The following STARD13 variants were observed in gnomAD, a reference collection of about 807,000 sequenced individuals.
STARD13 encodes the protein StAR related lipid transfer domain containing 13, also known as stAR-related lipid transfer protein 13.
A neutral mutation model predicts 106.4 loss-of-function variants in STARD13; 62 were observed. The observed-to-expected ratio is 0.58, with a 90% CI of 0.48 to 0.72. STARD13 has a LOEUF of 0.72. STARD13 is among the 30% of genes least tolerant of loss of function. The pLI is 0.00. For synonymous variants in STARD13, 565 were observed against 553.0 expected (o/e 1.02, Z -0.31); for missense variants, 1,387 against 1,424.0 (o/e 0.97, Z 0.42).
the STARD13 span, among the ~76,000 whole-genome samples, chr13:33,447,269 A>C: frequency 1.3e-5 from 2 of 152,210 alleles, no homozygotes; most frequent in Non-Finnish European, 2.9e-5. Context: ...GCAAATACTT[A>C]CTAGTCCTTC....
At chr13:33,268,539 ATGT>A (rs1469593437) in intron 1 of STARD13, among the ~76,000 whole-genome samples, 1 of 152,192 alleles carries the variant, frequency 6.6e-6, no homozygotes, top group Non-Finnish European at 1.5e-5. Context: ...TAGGCAGAAG[ATGT>A]TGTTATTATT....
chr13:33,635,493 A>AC, the STARD13 span, among the ~76,000 whole-genome samples: 1 of 151,862 alleles, frequency 6.6e-6, no homozygotes, highest in South Asian at 2.1e-4. Context: ...CCCCATCTCT[A>AC]CTAAAAAATA....
chr13:33,347,240 C>CTTTTTTTTTTTTTTTTTTTTTT (rs2078027012), downstream of STARD13, among the ~76,000 whole-genome samples: 1 of 151,900 alleles, frequency 6.6e-6, no homozygotes, highest in East Asian at 1.9e-4. Context: ...CATACCCTTT[C>CTTTTTTTTTTTTTTTTTTTTTT]TATTTCTTTT....
At chr13:33,238,400 G>A (rs1409974374) in intron 1 of STARD13, among the ~76,000 whole-genome samples, 2 of 152,152 alleles carry the variant, frequency 1.3e-5, no homozygotes, top group Non-Finnish European at 2.9e-5. Context: ...TAAGGTGAAA[G>A]ATTTGGGGAA....
rs190417133 is a variant in STARD13, at chr13:33,246,702, A to G, written c.169+38768T>C. 3.5e-3 allele frequency among the ~76,000 whole-genome samples: 540 copies of G among 152,310 alleles called. 6 individuals are homozygous for G. Among genetic ancestry groups the G allele is most frequent in the African/African-American group, 0.012 (516 of 41,560 alleles). On this transcript the variant is annotated intron_variant, in intron 1 of 13. Transcript: ENST00000336934. ...AAATAATAAAAATATTGATGACCATAAAACAAAAACAAAAACTAAGAGAGA... is the reference window on the plus strand; with the variant it reads ...AAATAATAAAAATATTGATGACCATGAAACAAAAACAAAAACTAAGAGAGA...
At chr13:33,467,791 G>A in the STARD13 span, among the ~76,000 whole-genome samples, 1 of 152,012 alleles carries the variant, frequency 6.6e-6, no homozygotes, top group African/African-American at 2.4e-5. Flanking sequence ...TTTATAGATG[G>A]TATATATATT....
rs181295219 is a variant in STARD13, at chr13:33,305,157, A to G, written c.124+45133T>C. Among the ~76,000 whole-genome samples, 101 of 152,274 alleles carry G rather than the reference A, an allele frequency of 6.6e-4. No individual in the cohort carries two copies. The Middle Eastern group carries it at 0.01, about 15-fold the overall frequency. ...TCTTCTTGCCCCAGCCTCCCAAAGT[A>G]CTGGGATTATAGGCATGAGCCACAG... On this transcript the variant is annotated intron_variant, in intron 1 of 5. Transcript: ENST00000567873.
the STARD13 span, among the ~76,000 whole-genome samples, chr13:33,643,489 G>C: frequency 1.3e-5 from 2 of 152,366 alleles, no homozygotes; most frequent in Middle Eastern, 3.4e-3. Context: ...CCAGAATAAA[G>C]TCAGGGCTGA....
At chr13:33,458,397 C>T in the STARD13 span, among the ~76,000 whole-genome samples, 19 of 151,564 alleles carry the variant, frequency 1.3e-4, no homozygotes, top group South Asian at 8.3e-4. Context: ...TTCAGCCTCC[C>T]GCGAAATATG....
chr13:33,439,710 G>T, the STARD13 span: 1 of 1,254,218 alleles, frequency 8.0e-7, no homozygotes, highest in Non-Finnish European at 1.0e-6. Context: ...CTTTGGGTCT[G>T]TTATCAGAGA....
At chr13:33,554,082 A>G in the STARD13 span, among the ~76,000 whole-genome samples, 1 of 152,062 alleles carries the variant, frequency 6.6e-6, no homozygotes, top group Admixed American at 6.6e-5. Context: ...TCTCTTCACC[A>G]TTGGGTATCT....
chr13:33,295,641 G>A (rs1193529417), intron 1 of STARD13, among the ~76,000 whole-genome samples: 1 of 152,076 alleles, frequency 6.6e-6, no homozygotes, highest in Non-Finnish European at 1.5e-5. Flanking sequence ...GACAAAAGAG[G>A]AGGACAGTTA....
At chr13:33,260,766 T>C (rs1890599850) in intron 1 of STARD13, among the ~76,000 whole-genome samples, 1 of 152,228 alleles carries the variant, frequency 6.6e-6, no homozygotes, top group Admixed American at 6.5e-5. Context: ...TTCATAAGTT[T>C]GACTTTGAAA....
the STARD13 span, among the ~76,000 whole-genome samples, chr13:33,667,547 T>G: frequency 2.6e-5 from 4 of 152,252 alleles, no homozygotes; most frequent in African/African-American, 7.2e-5. Context: ...AATGTGTCCA[T>G]TTATCTTCTC....
At chr13:33,661,806 G>A in the STARD13 span, among the ~76,000 whole-genome samples, 2 of 151,988 alleles carry the variant, frequency 1.3e-5, no homozygotes, top group East Asian at 3.9e-4. Flanking sequence ...GGGACACAGA[G>A]CCAACCCATA....
chr13:33,274,844 C>A (rs1891340040), intron 1 of STARD13, among the ~76,000 whole-genome samples: 1 of 152,136 alleles, frequency 6.6e-6, no homozygotes, highest in Non-Finnish European at 1.5e-5. Flanking sequence ...CCATCTATTA[C>A]CAGTTAATGA....
chr13:33,345,795 T>C (rs2078010981), downstream of STARD13, among the ~76,000 whole-genome samples: 1 of 152,022 alleles, frequency 6.6e-6, no homozygotes. Context: ...GGTTTCATTA[T>C]TTGTGTCACT....
At chr13:33,131,848 G>A (rs371907713) in intron 4 of STARD13, among the ~76,000 whole-genome samples, 1 of 152,136 alleles carries the variant, frequency 6.6e-6, no homozygotes, top group East Asian at 1.9e-4. Flanking sequence ...AGATTGAAGC[G>A]GGTCTTGCCT....
At chr13:33,461,569 G>A in the STARD13 span, among the ~76,000 whole-genome samples, 1 of 152,052 alleles carries the variant, frequency 6.6e-6, no homozygotes, top group East Asian at 1.9e-4. Flanking sequence ...CTTCTCTTGA[G>A]GTATTTTTGC....
Sources: allele counts gnomAD v4.1 joint callset (sites outside exome capture counted in the v4.1 genomes callset), GRCh38; gene constraint gnomAD v4.1.1; transcripts MANE v1.5; gene names NCBI Gene and HGNC (gene_info 2026-07-23, HGNC 2026-07-21).